Variants in APBA1 observed in about 807,000 individuals in gnomAD.
APBA1 encodes the protein amyloid beta precursor protein binding family A member 1.
In APBA1, 55 loss-of-function variants were observed where a neutral mutation model predicts 86.6. That is an observed-to-expected ratio of 0.64 (90% CI 0.51 to 0.80). APBA1 has a LOEUF of 0.80. APBA1 is among the 30% of genes least tolerant of loss of function. The pLI, the probability that APBA1 is intolerant of heterozygous loss-of-function variation, is 0.00. For missense variants in APBA1, 1,090 were observed against 1,183.0 expected, an observed-to-expected ratio of 0.92 and a Z score of 1.15; for synonymous variants, 511 against 493.9, an observed-to-expected ratio of 1.03 and a Z score of -0.46.
intron 1 of APBA1, among the ~76,000 whole-genome samples, chr9:69,626,665 T>C (rs532682287): frequency 1.3e-5 from 2 of 152,328 alleles, no homozygotes; most frequent in East Asian, 3.9e-4. Context: ...TGTCCATTTA[T>C]ATAAATTTAC....
At chr9:69,654,797 A>G (rs1405040714) in intron 1 of APBA1, among the ~76,000 whole-genome samples, 1 of 152,240 alleles carries the variant, frequency 6.6e-6, no homozygotes, top group African/African-American at 2.4e-5. Context: ...TATAGATGCA[A>G]TAATCTTCAA....
At chr9:69,565,497 T>C (rs1259026086) in intron 1 of APBA1, among the ~76,000 whole-genome samples, 1 of 152,142 alleles carries the variant, frequency 6.6e-6, no homozygotes, top group Non-Finnish European at 1.5e-5. Context: ...CCATGGAACT[T>C]CATACCCCAA....
chr9:69,511,310 A>C lies in APBA1; in HGVS notation c.1200+4701T>G, dbSNP rs1223050863. ...AAGAAGACATTTATGCATCCAAAAA[A>C]CACATGAAAAAATGCTCATCATCAC... On this transcript the variant is annotated intron_variant, in intron 2 of 12. Coordinates refer to ENST00000265381, the MANE Select transcript of APBA1 (RefSeq NM_001163.4). Among the ~76,000 whole-genome samples, 3 of 152,348 alleles carry C rather than the reference A, an allele frequency of 2.0e-5. No homozygotes were observed. In the East Asian group the frequency reaches 5.8e-4, roughly 29 times the overall value.
intron 1 of APBA1, among the ~76,000 whole-genome samples, chr9:69,566,599 T>C (rs1837030399): frequency 6.6e-6 from 1 of 152,216 alleles, no homozygotes; most frequent in African/African-American, 2.4e-5. Context: ...GTCCTTTTCA[T>C]GGCCAGTCAA....
At chr9:69,452,753 G>T (rs928666041) in intron 8 of APBA1, among the ~76,000 whole-genome samples, 1 of 152,204 alleles carries the variant, frequency 6.6e-6, no homozygotes, top group African/African-American at 2.4e-5. Context: ...AACATTTCAA[G>T]AATAATACCG....
At chr9:69,634,374 G>C (rs1302002837) in intron 1 of APBA1, among the ~76,000 whole-genome samples, 1 of 152,174 alleles carries the variant, frequency 6.6e-6, no homozygotes, top group Non-Finnish European at 1.5e-5. Flanking sequence ...TGCCCATTCT[G>C]GTCGTTGCAA....
intron 1 of APBA1, among the ~76,000 whole-genome samples, chr9:69,621,957 T>C (rs981566244): frequency 1.3e-5 from 2 of 152,148 alleles, no homozygotes; most frequent in Non-Finnish European, 2.9e-5. Context: ...AACTGATAAA[T>C]AGCATAGATG....
chr9:69,587,243 ATTCCTTTCATC>A (rs544914057), intron 1 of APBA1, among the ~76,000 whole-genome samples: 109 of 152,350 alleles, frequency 7.2e-4, no homozygotes, highest in Admixed American at 6.9e-3. Flanking sequence ...AATGGGTCAC[ATTCCTTTCATC>A]ACAGTAATTG....
At chr9:69,659,769 T>C (rs1014339660) in intron 1 of APBA1, among the ~76,000 whole-genome samples, 1 of 152,240 alleles carries the variant, frequency 6.6e-6, no homozygotes, top group African/African-American at 2.4e-5. Context: ...TCATCTACCA[T>C]AGCAGTAACA....
intron 1 of APBA1, among the ~76,000 whole-genome samples, chr9:69,528,044 C>G (rs1374550802): frequency 6.6e-6 from 1 of 152,118 alleles, no homozygotes; most frequent in Non-Finnish European, 1.5e-5. Context: ...GGCATAAGCT[C>G]TGAAGTTAAT....
chr9:69,433,905 G>A (rs1337490838), intron 11 of APBA1, among the ~76,000 whole-genome samples: 7 of 150,620 alleles, frequency 4.6e-5, no homozygotes, highest in South Asian at 4.2e-4. Flanking sequence ...TTTGCCTCCC[G>A]GGTTCAGGTG....
chr9:69,495,588 C>A (rs1835781442), intron 2 of APBA1, among the ~76,000 whole-genome samples: 1 of 152,098 alleles, frequency 6.6e-6, no homozygotes, highest in African/African-American at 2.4e-5. Context: ...ATGGTCCAGG[C>A]AGTCATGCGT....
chr9:69,446,312 G>A (rs549492910), intron 10 of APBA1, among the ~76,000 whole-genome samples: 5 of 152,256 alleles, frequency 3.3e-5, no homozygotes, highest in South Asian at 2.1e-4. Flanking sequence ...AACAAGCGGC[G>A]CACTGTGGCA....
At chr9:69,546,954 A>G (rs947803786) in intron 1 of APBA1, among the ~76,000 whole-genome samples, 2 of 152,242 alleles carry the variant, frequency 1.3e-5, no homozygotes, top group Admixed American at 6.5e-5. Flanking sequence ...TAAAAGTGTT[A>G]CGCATACATT....
intron 1 of APBA1, among the ~76,000 whole-genome samples, chr9:69,531,571 T>C (rs183014807): frequency 6.6e-6 from 1 of 152,224 alleles, no homozygotes; most frequent in African/African-American, 2.4e-5. Flanking sequence ...GTCCTCCCTT[T>C]TGCCTTATGT....
At chr9:69,630,841 G>T (rs140052662) in intron 1 of APBA1, among the ~76,000 whole-genome samples, 1 of 152,308 alleles carries the variant, frequency 6.6e-6, no homozygotes, top group Admixed American at 6.5e-5. Flanking sequence ...TTAACTGAAA[G>T]CTCATTCATC....
chr9:69,533,428 A>T (rs1351234693), intron 1 of APBA1, among the ~76,000 whole-genome samples: 1 of 152,168 alleles, frequency 6.6e-6, no homozygotes, highest in African/African-American at 2.4e-5. Context: ...GTTGCTTTGT[A>T]AACAGTAAAG....
At chr9:69,488,243 A>T (rs999992900) in intron 2 of APBA1, among the ~76,000 whole-genome samples, 1 of 152,136 alleles carries the variant, frequency 6.6e-6, no homozygotes, top group Non-Finnish European at 1.5e-5. Context: ...GTTTCTCTTC[A>T]TGATTGAGAT....
rs539089133 is a variant in APBA1, at chr9:69,609,524, A to G, written c.-70+62629T>C. Among the ~76,000 whole-genome samples, 3 of 152,330 alleles carry G rather than the reference A, an allele frequency of 2.0e-5. No individual in the cohort carries two copies. In the South Asian group the frequency reaches 6.2e-4, roughly 32 times the overall value. On this transcript the variant is annotated intron_variant, in intron 1 of 12. Coordinates refer to ENST00000265381, the MANE Select transcript of APBA1 (RefSeq NM_001163.4). ...TTTTCCTTTACCTCCATGAATATGC[A>G]CATGGTTTACTATGGCACATGTATT...
Sources: gnomAD v4.1 joint callset for allele counts (sites outside exome capture counted in the v4.1 genomes callset) on GRCh38, gnomAD v4.1.1 for gene constraint, MANE v1.5 for transcripts, NCBI Gene and HGNC (gene_info 2026-07-23, HGNC 2026-07-21) for gene names.